Variants in PPFIA2 observed in about 807,000 individuals in gnomAD.
PPFIA2 encodes the protein PPFI scaffold protein A2.
Under a neutral mutation model 175.5 loss-of-function variants are expected in PPFIA2, and 46 were observed. The ratio of observed to expected loss-of-function variants is 0.26; its 90% CI spans 0.21 to 0.34. The LOEUF is 0.34. Among genes scored for constraint, PPFIA2 ranks in the 10% least tolerant of loss-of-function variants. The pLI is 1.00. For missense variants in PPFIA2, 1,179 were observed against 1,506.1 expected (o/e 0.78, Z 3.60); for synonymous variants, 568 against 511.4 (o/e 1.11, Z -1.49).
chr12:81,707,973 G>T (rs1463064577), intron 3 of PPFIA2, among the ~76,000 whole-genome samples: 6 of 142,552 alleles, frequency 4.2e-5, no homozygotes, highest in Non-Finnish European at 6.0e-5. Context: ...ATTGAACAAT[G>T]ACAACACATG....
intron 7 of PPFIA2, among the ~76,000 whole-genome samples, chr12:81,424,456 C>A (rs970510737): frequency 6.6e-6 from 1 of 152,052 alleles, no homozygotes; most frequent in Non-Finnish European, 1.5e-5. Flanking sequence ...CTATTTATTG[C>A]TGGTGTGGGA....
intron 22 of PPFIA2, among the ~76,000 whole-genome samples, chr12:81,307,659 G>A (rs1047551978): frequency 3.3e-5 from 5 of 151,988 alleles, no homozygotes; most frequent in African/African-American, 1.2e-4. Flanking sequence ...TTGGTAACTT[G>A]TCCCTTCCAA....
chr12:81,325,928 A>C (rs2054666859), intron 21 of PPFIA2, 58 bp from the exon 22 acceptor site: 1 of 1,299,700 alleles, frequency 7.7e-7, no homozygotes, highest in Non-Finnish European at 1.1e-6. Flanking sequence ...GTCAATTCTG[A>C]AGTCAGGTTG....
chr12:81,306,552 T>G (rs1038842540), intron 22 of PPFIA2, among the ~76,000 whole-genome samples: 10 of 149,798 alleles, frequency 6.7e-5, no homozygotes, highest in African/African-American at 2.2e-4. Context: ...TTTTTTTTTT[T>G]TTTTTTTTGG....
At chr12:81,623,849 C>A (rs760894577) in intron 4 of PPFIA2, among the ~76,000 whole-genome samples, 2 of 151,766 alleles carry the variant, frequency 1.3e-5, no homozygotes, top group Non-Finnish European at 2.9e-5. Flanking sequence ...CTCCTATAAA[C>A]AAGGCAGCTA....
intron 4 of PPFIA2, among the ~76,000 whole-genome samples, chr12:81,462,135 T>A (rs565873982): frequency 6.6e-6 from 1 of 151,412 alleles, no homozygotes; most frequent in Admixed American, 6.6e-5. Context: ...ATCACTATAA[T>A]TTGCTTAACA....
intron 8 of PPFIA2, among the ~76,000 whole-genome samples, chr12:81,386,318 AAT>A (rs2038947847): frequency 4.7e-5 from 7 of 149,500 alleles, no homozygotes; most frequent in Non-Finnish European, 1.0e-4. Flanking sequence ...TAAATAAATA[AAT>A]AAGAAAAGAA....
intron 4 of PPFIA2, among the ~76,000 whole-genome samples, chr12:81,634,776 T>C (rs2063795354): frequency 6.6e-6 from 1 of 152,056 alleles, no homozygotes; most frequent in Non-Finnish European, 1.5e-5. Context: ...GAAGTCTATA[T>C]TATTTACCCA....
chr12:81,684,390 C>A (rs1320444055), intron 3 of PPFIA2, among the ~76,000 whole-genome samples: 1 of 152,044 alleles, frequency 6.6e-6, no homozygotes, highest in Admixed American at 6.6e-5. Context: ...GGTGCAAGAA[C>A]AATGTAGTCA....
chr12:81,356,165 G>A (rs978529093), intron 16 of PPFIA2, among the ~76,000 whole-genome samples: 2 of 152,104 alleles, frequency 1.3e-5, no homozygotes, highest in Non-Finnish European at 2.9e-5. Flanking sequence ...ATATTGTTGT[G>A]TCTTGGGGAA....
chr12:81,311,836 G>A (rs2050975613), intron 22 of PPFIA2, among the ~76,000 whole-genome samples: 1 of 151,642 alleles, frequency 6.6e-6, no homozygotes, highest in Admixed American at 6.6e-5. Context: ...AGTATGACTT[G>A]AGCCTGGCTG....
At chr12:81,613,912 T>C (rs2153472708) in intron 4 of PPFIA2, among the ~76,000 whole-genome samples, 1 of 152,262 alleles carries the variant, frequency 6.6e-6, no homozygotes, top group Non-Finnish European at 1.5e-5. Flanking sequence ...CTAAGATTAT[T>C]ACAGTTAGTA....
In PPFIA2 at chr12:81,749,186, C is replaced by G. The variant is rs1200260412; in HGVS notation, c.249+4787G>C. The stretch of plus-strand genomic sequence containing the variant: ...CTCAGAATCTTTACCAATCGTTTCT[C>G]AAAAATACCTCTTTAATATCACTTT... On this transcript the variant is annotated intron_variant, in intron 3 of 32. Transcript: ENST00000549396. 1.4e-5 allele frequency among the ~76,000 whole-genome samples: 2 copies of G among 144,276 alleles called. 1 individual carries two copies. Among genetic ancestry groups the G allele is most frequent in the Non-Finnish European group, 3.1e-5 (2 of 64,406 alleles). The allele number at this position is 144,276 out of a possible 152,430, so 94.7% of individuals were successfully genotyped here.
At chr12:81,492,137 A>G (rs2059489525) in intron 4 of PPFIA2, among the ~76,000 whole-genome samples, 1 of 151,868 alleles carries the variant, frequency 6.6e-6, no homozygotes. Flanking sequence ...TTTTTTTAGG[A>G]AATAAAAGCA....
chr12:81,749,116 C>A (rs1568120870), intron 3 of PPFIA2, among the ~76,000 whole-genome samples: 2 of 144,518 alleles, frequency 1.4e-5, no homozygotes, highest in Non-Finnish European at 3.1e-5. Flanking sequence ...ATATGTCCTT[C>A]AGCAAAGTTC....
intron 4 of PPFIA2, among the ~76,000 whole-genome samples, chr12:81,655,171 A>G (rs1225635848): frequency 6.6e-6 from 1 of 151,944 alleles, no homozygotes; most frequent in Non-Finnish European, 1.5e-5. Flanking sequence ...GAGTTCTGCT[A>G]TTGTTTATCT....
chr12:81,641,640 A>G (rs1197733935), intron 4 of PPFIA2, among the ~76,000 whole-genome samples: 4 of 152,048 alleles, frequency 2.6e-5, no homozygotes, highest in Non-Finnish European at 5.9e-5. Flanking sequence ...TCTCAGCTGA[A>G]CCATTTTAGA....
chr12:81,648,724 G>A (rs1295760791), intron 4 of PPFIA2, among the ~76,000 whole-genome samples: 1 of 151,816 alleles, frequency 6.6e-6, no homozygotes. Context: ...GAACAAAATT[G>A]TAGCTCTTTC....
chr12:81,262,022 T>C lies in PPFIA2; in HGVS notation c.3734A>G (p.Gln1245Arg). ...GCGAACAGTGGAGTTGTCTAACCTC[T>C]GCAGTCTTGATGAAGCAACTGCAAA... is the stretch of plus-strand genomic sequence containing the variant. ...MTTDVASSRL[Q>R]RLDNSTVRTY... The change falls in exon 32 of 33, where the codon CAG becomes CGG. Residue 1245 changes from glutamine (Q) to arginine (R), a missense_variant. Gln to Arg is a conservative substitution (Grantham distance 43, BLOSUM62 1). Transcript: ENST00000549396. The C allele has an allele frequency of 6.2e-7, 1 of 1,605,088 alleles. No homozygotes were observed. The highest frequency in any genetic ancestry group is 2.2e-5 in the East Asian group (1 of 44,736).
Sources: gnomAD v4.1 joint callset for allele counts (sites outside exome capture counted in the v4.1 genomes callset) on GRCh38, gnomAD v4.1.1 for gene constraint, MANE v1.5 for transcripts, NCBI Gene and HGNC (gene_info 2026-07-23, HGNC 2026-07-21) for gene names.